SEMA3G: variants seen among roughly 807,000 people sequenced by gnomAD.
SEMA3G encodes semaphorin-3G.
In SEMA3G, 70 loss-of-function variants were observed where a neutral mutation model predicts 86.2. The observed-to-expected ratio is 0.81, with a 90% CI of 0.67 to 0.99. The LOEUF is 0.99. Among genes scored for constraint, SEMA3G ranks in the 50% least tolerant of loss-of-function variants. The probability of loss-of-function intolerance (pLI) is 0.00; values close to 1 mark genes in which losing one functional copy is unlikely to be tolerated. For synonymous variants in SEMA3G, 416 were observed against 441.4 expected (o/e 0.94, Z 0.72); for missense variants, 1,002 against 1,072.4 (o/e 0.93, Z 0.92).
At position 52,442,911 on chromosome 3, in the gene SEMA3G, G is replaced by C; in HGVS notation, c.116-4C>G. 1 of 1,586,334 alleles carries C rather than the reference G, an allele frequency of 6.3e-7. No homozygotes were observed. Among genetic ancestry groups the C allele is most frequent in the Non-Finnish European group, 8.6e-7 (1 of 1,166,188 alleles). On this transcript the variant is annotated splice_region_variant and splice_polypyrimidine_tract_variant and intron_variant, in intron 1 of 15. Transcript: ENST00000231721. The surrounding 1 kb of genome is among the most constrained non-coding windows in gnomAD (Gnocchi z 6.1). ...GAGCGGTTGGCAGACAGGAGGTCTA[G>C]GAGGATGTATGGGGAGGCAGATCAG... is the stretch of plus-strand genomic sequence containing the variant.
Position 52,442,361 on chromosome 3 carries a change from T to G in SEMA3G, c.340-57A>C. 2 of 1,321,168 alleles carry G rather than the reference T, an allele frequency of 1.5e-6. No individual in the cohort carries two copies. The highest frequency in any genetic ancestry group is 1.2e-5 in the South Asian group (1 of 85,624). 81.8% of individuals were successfully genotyped at this position (1,321,168 alleles called of 1,614,324 possible). A position where few individuals can be genotyped will look rare whatever the true frequency, so the allele number is the denominator to read the frequency against. On this transcript the variant is annotated intron_variant, in intron 3 of 15. Transcript: ENST00000231721. This position sits in a 1 kb window ranked among gnomAD's most constrained non-coding sequence, Gnocchi z 6.1. The stretch of plus-strand genomic sequence containing the variant: ...TGAGAGGGGGTGCCCACCATCTCCT[T>G]GGGGCCCAAGGCTCAGCCCTGTCTG...
rs1235808641 is a variant in SEMA3G at position 52,445,013 on chromosome 3, G to A, written c.15C>T (p.Ala5=). ...CCCCTAGCAGCCAGCAAATGGCCCAGGCCGAGGGGGCCATGCTGGGGAACT... is the reference window on the plus strand; with the variant it reads ...CCCCTAGCAGCCAGCAAATGGCCCAAGCCGAGGGGGCCATGCTGGGGAACT... The part of the protein sequence containing the change: MAPS[A]WAICWLLGGL... The change falls in exon 1 of 16, where the codon GCC becomes GCT. Residue 5 remains alanine (A), a synonymous_variant. Transcript: ENST00000231721. 2.3e-6 allele frequency: 3 copies of A among 1,283,274 alleles called. No homozygotes were observed. The highest frequency in any genetic ancestry group is 3.0e-6 in the Non-Finnish European group (3 of 1,009,336). 79.5% of individuals were successfully genotyped at this position (1,283,274 alleles called of 1,614,324 possible).
intron 13 of SEMA3G, 181 bp downstream of exon 13, chr3:52,438,739 A>C (rs1376595366): frequency 4.1e-6 from 4 of 985,314 alleles, no homozygotes; most frequent in Non-Finnish European, 4.8e-6. Context: ...ACATGGCCCC[A>C]CTTACTCGGT....
intron 13 of SEMA3G, chr3:52,438,619 A>C: frequency 1.0e-6 from 1 of 985,510 alleles, no homozygotes; most frequent in Non-Finnish European, 1.2e-6. Flanking sequence ...TGGCAAATAT[A>C]GTAGGCCTCT....
chr3:52,438,547 A>C, intron 13 of SEMA3G: 2 of 985,468 alleles, frequency 2.0e-6, no homozygotes, highest in Non-Finnish European at 2.4e-6. Context: ...CTTGCACGAA[A>C]GTTAGGATTT....
chr3:52,442,380 C>G lies in SEMA3G; in HGVS notation c.340-76G>C. On this transcript the variant is annotated intron_variant, in intron 3 of 15. Transcript: ENST00000231721. This position sits in a 1 kb window ranked among gnomAD's most constrained non-coding sequence, Gnocchi z 6.1. ...TCTCCTTGGGGCCCAAGGCTCAGCC[C>G]TGTCTGGCGGTCAGCTCTGGGGAGG... is the stretch of plus-strand genomic sequence containing the variant. 1 of 1,481,534 alleles carries G rather than the reference C, an allele frequency of 6.7e-7. No homozygotes were observed. The highest frequency in any genetic ancestry group is 9.3e-7 in the Non-Finnish European group (1 of 1,076,354). The allele number at this position is 1,481,534 out of a possible 1,614,324, so 91.8% of individuals were successfully genotyped here.
rs199951371 is a variant in SEMA3G at position 52,440,503 on chromosome 3, G to A, written c.1017C>T (p.Phe339=). The stretch of plus-strand genomic sequence containing the variant: ...CTGCCATGTGGTACACACAGACGGC[G>A]AAGCCCTGGAACACGGCACTGCCGG... ...FSTVSAVFQG[F]AVCVYHMADI... Residue 339 remains phenylalanine (F), a synonymous_variant, in exon 10 of 16, where the codon TTC becomes TTT. Coordinates refer to ENST00000231721, the MANE Select transcript of SEMA3G (RefSeq NM_020163.3). The A allele has an allele frequency of 1.4e-5, 23 of 1,610,436 alleles. No homozygotes were observed. Among genetic ancestry groups the A allele is most frequent in the Middle Eastern group, 1.7e-4 (1 of 6,054 alleles).
chr3:52,440,005 G>T lies in SEMA3G; in HGVS notation c.1237C>A (p.Leu413Ile), dbSNP rs1362023876. ...EVLQFARAHP[L>I]MFWPVRPRHG... ...CGAGGCCGCACAGGCCAGAACATGA[G>T]GGGGTGGGCTCGGGCAAACTGCAGC... Residue 413 changes from leucine (L) to isoleucine (I), a missense_variant, in exon 11 of 16, where the codon CTC becomes ATC. By Grantham distance (5) the Leu-to-Ile change is conservative (BLOSUM62 2). Coordinates refer to ENST00000231721, the MANE Select transcript of SEMA3G (RefSeq NM_020163.3). The T allele has an allele frequency of 1.9e-6, 3 of 1,612,676 alleles. No homozygotes were observed. Among genetic ancestry groups the T allele is most frequent in the African/African-American group, 1.3e-5 (1 of 74,932 alleles).
rs1459512362 is a variant in SEMA3G at position 52,435,822 on chromosome 3, G to A, written c.2130C>T (p.Ile710=). 1 of 1,614,166 alleles carries A rather than the reference G, an allele frequency of 6.2e-7. No homozygotes were observed. Among genetic ancestry groups the A allele is most frequent in the Non-Finnish European group, 8.5e-7 (1 of 1,180,024 alleles). ...GGTTGGCGAAGCCAATGAGCTGCAG[G>A]ATGTCCTTGTACCAGGCCTTGGGTG... ...STPPKAWYKD[I]LQLIGFANLP... The change falls in exon 16 of 16, where the codon ATC becomes ATT. Residue 710 remains isoleucine (I), a synonymous_variant. Coordinates refer to ENST00000231721, the MANE Select transcript of SEMA3G (RefSeq NM_020163.3).
chr3:52,443,202 T>G, intron 1 of SEMA3G: 1 of 521,532 alleles, frequency 1.9e-6, no homozygotes, highest in Non-Finnish European at 3.4e-6. Context: ...ATCTGTGCCC[T>G]ACCCAGTCCC....
At position 52,438,208 on chromosome 3, in the gene SEMA3G, G is replaced by A; in HGVS notation, c.1510-9C>T. The A allele has an allele frequency of 6.2e-7, 1 of 1,609,220 alleles. No homozygotes were observed. Among genetic ancestry groups the A allele is most frequent in the Non-Finnish European group, 8.5e-7 (1 of 1,177,548 alleles). ...CCCACGTATAGCATTTGCTGGGGAG[G>A]GACAGAAGCAGAGCCTGAGGTGAGC... On this transcript the variant is annotated splice_polypyrimidine_tract_variant and intron_variant, in intron 13 of 15. Transcript: ENST00000231721.
chr3:52,443,024 A>G (rs966835502), intron 1 of SEMA3G, 117 bp from the exon 2 acceptor site: 3 of 1,541,400 alleles, frequency 1.9e-6, no homozygotes, highest in Admixed American at 2.0e-5. Flanking sequence ...ACATCTGGAA[A>G]ATGTTTCCAT....
chr3:52,440,087 C>A lies in SEMA3G; in HGVS notation c.1155G>T (p.Lys385Asn), dbSNP rs1271717265. ...PFPRPGVCPS[K>N]MTAQPGRPFG... ...AAGGCCGTCCTGGCTGTGCGGTCAT[C>A]TTGCTGGGGCACTGTGGGCAGCAGG... Residue 385 changes from lysine to asparagine, a missense_variant, in exon 11 of 16, where the codon AAG becomes AAT. Transcript: ENST00000231721. 5.7e-6 allele frequency: 9 copies of A among 1,580,988 alleles called. No homozygotes were observed. In the South Asian group the frequency reaches 1.0e-4, roughly 18 times the overall value.
chr3:52,436,104 G>A, intron 15 of SEMA3G, 31 bp from the exon 16 acceptor site: 13 of 1,573,010 alleles, frequency 8.3e-6, no homozygotes, highest in East Asian at 2.3e-5. Flanking sequence ...CGTGAGTAGG[G>A]TGCAAGGTGG....
At chr3:52,443,917 C>T (rs935576375) in intron 1 of SEMA3G, among the ~76,000 whole-genome samples, 5 of 152,170 alleles carry the variant, frequency 3.3e-5, no homozygotes, top group Admixed American at 2.0e-4. Context: ...GAGCCTGTCT[C>T]GGGCCTTCCC....
Position 52,439,765 on chromosome 3 carries a change from C to T in SEMA3G, c.1382G>A (p.Gly461Glu), listed in dbSNP as rs759832952. 3.7e-6 allele frequency: 6 copies of T among 1,613,932 alleles called. No homozygotes were observed. The South Asian group carries it at 4.4e-5, about 12-fold the overall frequency. ...YDVIFLGTDSGSVLKVIALQA... is the reference protein window; with the variant it reads ...YDVIFLGTDSESVLKVIALQA... ...GAGAGCGATGACTTTGAGCACAGAC[C>T]CTGAGTCTGGGGCCAGGGAGGAGGG... The change falls in exon 12 of 16, where the codon GGG (glycine) becomes GAG (glutamate). Residue 461 changes from glycine (G) to glutamate (E), a missense_variant. Physicochemically the swap from Gly to Glu is moderately conservative, Grantham distance 98. Coordinates refer to ENST00000231721, the MANE Select transcript of SEMA3G (RefSeq NM_020163.3).
chr3:52,442,703 G>T lies in SEMA3G; in HGVS notation c.276+44C>A. The T allele has an allele frequency of 1.2e-6, 2 of 1,613,484 alleles. No homozygotes were observed. Among genetic ancestry groups the T allele is most frequent in the Non-Finnish European group, 1.7e-6 (2 of 1,179,568 alleles). Reference sequence around the variant, plus strand: ...CCCATCTGGCCTCCCATCTGGAGGTGCCCAGTTCTCAAACAGACCCTCTTC... The same window carrying T: ...CCCATCTGGCCTCCCATCTGGAGGTTCCCAGTTCTCAAACAGACCCTCTTC... On this transcript the variant is annotated intron_variant, in intron 2 of 15. Transcript: ENST00000231721. The surrounding 1 kb of genome is among the most constrained non-coding windows in gnomAD (Gnocchi z 6.1).
Position 52,434,255 on chromosome 3 carries a change from G to A in SEMA3G, c.*1348C>T, listed in dbSNP as rs1706002648. 6.6e-6 allele frequency: 1 copy of A among 151,812 alleles called. No homozygotes were observed. The highest frequency in any genetic ancestry group is 2.4e-5 in the African/African-American group (1 of 41,272). The allele number at this position is 151,812 out of a possible 1,614,324, so 9.4% of individuals were successfully genotyped here. The stretch of plus-strand genomic sequence containing the variant: ...TCATTTAGTCCTCCTCCTCCCCTCT[G>A]TGCTCCCCAGCCTGAGAAACTGGTG... On this transcript the variant is annotated 3_prime_UTR_variant, in exon 16 of 16. Transcript: ENST00000231721. This position sits in a 1 kb window ranked among gnomAD's most constrained non-coding sequence, Gnocchi z 5.2.
At position 52,442,235 on chromosome 3, in the gene SEMA3G, C is replaced by T. The variant is rs765711858; in HGVS notation, c.409G>A (p.Gly137Arg). 1.9e-6 allele frequency: 3 copies of T among 1,613,966 alleles called. No homozygotes were observed. The South Asian group carries it at 3.3e-5, about 18-fold the overall frequency. ...AGGGCACAGGTGGGCTGGAAGGCCC[C>T]AGTGCCACAGGCTAGCAGGTGGGTC... is the stretch of plus-strand genomic sequence containing the variant. ...NRTHLLACGT[G>R]AFQPTCALIT... Residue 137 changes from glycine to arginine, a missense_variant, in exon 4 of 16, where the codon GGG becomes AGG. Gly to Arg is a moderately radical substitution (Grantham distance 125). Transcript: ENST00000231721. This position sits in a 1 kb window ranked among gnomAD's most constrained non-coding sequence, Gnocchi z 6.1.
Sources: allele counts gnomAD v4.1 joint callset (sites outside exome capture counted in the v4.1 genomes callset), GRCh38; gene constraint gnomAD v4.1.1; non-coding constraint Gnocchi (gnomAD v3.1); transcripts MANE v1.5; gene names NCBI Gene and HGNC (gene_info 2026-07-23, HGNC 2026-07-21).